Variants in GARRE1 observed in about 807,000 individuals in gnomAD.
GARRE1 encodes the protein granule associated Rac and RHOG effector 1, also known as granule associated Rac and RHOG effector protein 1.
In GARRE1, 49 loss-of-function variants were observed where a neutral mutation model predicts 103.2. The ratio of observed to expected loss-of-function variants is 0.47; its 90% CI spans 0.38 to 0.60. The LOEUF is 0.60. GARRE1 is among the 20% of genes least tolerant of loss of function. The pLI is 0.00. For missense variants in GARRE1, 1,199 were observed against 1,370.5 expected (o/e 0.87, Z 1.98); for synonymous variants, 505 against 532.8 (o/e 0.95, Z 0.72).
Position 34,286,313 on chromosome 19 carries a change from G to A in GARRE1, c.-795-13366G>A, listed in dbSNP as rs112075181. On this transcript the variant is annotated intron_variant, in intron 1 of 13. Transcript: ENST00000299505. ...CGGCTCACTGCAAGCTCTGCCTCCC[G>A]GGTTCATGCCATTCTCCTGCCTCAG... Among the ~76,000 whole-genome samples, 7 of 150,990 alleles carry A rather than the reference G, an allele frequency of 4.6e-5. No individual in the cohort carries two copies. In the South Asian group the frequency reaches 8.4e-4, roughly 18 times the overall value.
chr19:34,280,418 A>G (rs2073844598), intron 1 of GARRE1, among the ~76,000 whole-genome samples: 1 of 152,084 alleles, frequency 6.6e-6, no homozygotes, highest in Non-Finnish European at 1.5e-5. Context: ...TAAAAATTGG[A>G]TTTTTGTGTT....
In GARRE1 at chr19:34,353,083, G is replaced by T; in HGVS notation, c.*128G>T. The T allele has an allele frequency of 1.2e-6, 1 of 852,092 alleles. No individual in the cohort carries two copies. The highest frequency in any genetic ancestry group is 1.8e-6 in the Non-Finnish European group (1 of 567,364). The allele number at this position is 852,092 out of a possible 1,614,324, so 52.8% of individuals were successfully genotyped here. A position where few individuals can be genotyped will look rare whatever the true frequency, so the allele number is the denominator to read the frequency against. Reference sequence around the variant, plus strand: ...GGACCAGTGCGCCCCATCCCAGGGAGGGTTCCTTGGGGACAAGGGTGGTTG... The same window carrying T: ...GGACCAGTGCGCCCCATCCCAGGGATGGTTCCTTGGGGACAAGGGTGGTTG... On this transcript the variant is annotated 3_prime_UTR_variant, in exon 14 of 14. Coordinates refer to ENST00000299505, the MANE Select transcript of GARRE1 (RefSeq NM_014686.5).
At chr19:34,257,373 T>C (rs1470626721) in intron 1 of GARRE1, among the ~76,000 whole-genome samples, 1 of 152,142 alleles carries the variant, frequency 6.6e-6, no homozygotes, top group African/African-American at 2.4e-5. Context: ...AGTCTCCCTC[T>C]GTCCCCGAGG....
intron 1 of GARRE1, among the ~76,000 whole-genome samples, chr19:34,256,684 A>G (rs531064859): frequency 2.0e-5 from 3 of 152,224 alleles, no homozygotes; most frequent in Admixed American, 6.5e-5. Flanking sequence ...TTATCATTTT[A>G]TCATATTTTA....
intron 10 of GARRE1, among the ~76,000 whole-genome samples, chr19:34,344,710 T>C (rs1446024524): frequency 6.6e-6 from 1 of 152,116 alleles, no homozygotes; most frequent in Non-Finnish European, 1.5e-5. Flanking sequence ...TCTCACGTTG[T>C]TGCCCAGGCT....
intron 2 of GARRE1, among the ~76,000 whole-genome samples, chr19:34,305,727 T>A (rs1319736312): frequency 1.3e-5 from 2 of 152,242 alleles, no homozygotes; most frequent in Non-Finnish European, 2.9e-5. Flanking sequence ...TTTCTTCTGC[T>A]TTCCTGGGAC....
At chr19:34,306,924 G>A (rs35489004) in intron 2 of GARRE1, among the ~76,000 whole-genome samples, 16,919 of 151,926 alleles carry the variant, frequency 0.11, 1,089 homozygotes, top group East Asian at 0.19. Flanking sequence ...CTTAGAGAAG[G>A]TAGTTAGAAA....
intron 7 of GARRE1, 75 bp from the exon 8 acceptor site, chr19:34,333,629 T>C: frequency 1.1e-6 from 1 of 913,238 alleles, no homozygotes; most frequent in Non-Finnish European, 1.7e-6. Flanking sequence ...ATTTTATGTA[T>C]TGGATTTTAT....
intron 12 of GARRE1, among the ~76,000 whole-genome samples, chr19:34,351,219 T>TAA (rs1281405933): frequency 3.5e-5 from 5 of 144,254 alleles, no homozygotes; most frequent in Admixed American, 2.1e-4. Context: ...AAAAATAAAA[T>TAA]AATAATAATA....
intron 2 of GARRE1, among the ~76,000 whole-genome samples, chr19:34,305,410 A>G (rs1274723704): frequency 1.3e-5 from 2 of 152,208 alleles, no homozygotes; most frequent in Non-Finnish European, 1.5e-5. Flanking sequence ...AGTGTTGAAC[A>G]ATCTTAGACT....
chr19:34,286,912 C>T (rs1281056537), intron 1 of GARRE1, among the ~76,000 whole-genome samples: 1 of 151,970 alleles, frequency 6.6e-6, no homozygotes, highest in South Asian at 2.1e-4. Context: ...TTCAGTGGAC[C>T]CCCAGTTTGG....
intron 1 of GARRE1, among the ~76,000 whole-genome samples, chr19:34,288,047 G>A (rs1044788488): frequency 3.3e-5 from 5 of 152,122 alleles, no homozygotes; most frequent in East Asian, 1.9e-4. Context: ...AAAGGATCTC[G>A]TGTTTTTCTC....
chr19:34,268,609 A>T (rs1231363891), intron 1 of GARRE1, among the ~76,000 whole-genome samples: 1 of 152,116 alleles, frequency 6.6e-6, no homozygotes, highest in Non-Finnish European at 1.5e-5. Context: ...GTCTGTCCTC[A>T]TCAGGACCAA....
intron 1 of GARRE1, among the ~76,000 whole-genome samples, chr19:34,283,830 C>CT (rs11335136): frequency 0.02 from 2,307 of 117,220 alleles, 43 homozygotes; most frequent in South Asian, 0.027. Context: ...TTCTTTCTTT[C>CT]TTTTTTTTTT....
chr19:34,309,253 G>A (rs1021823810), intron 2 of GARRE1, among the ~76,000 whole-genome samples: 6 of 152,120 alleles, frequency 3.9e-5, no homozygotes. Flanking sequence ...CAAGTCAGTA[G>A]CATTAAAAGA....
chr19:34,273,195 T>G (rs1464383261), intron 1 of GARRE1, among the ~76,000 whole-genome samples: 1 of 152,120 alleles, frequency 6.6e-6, no homozygotes, highest in African/African-American at 2.4e-5. Flanking sequence ...CAGAGCAAGA[T>G]CCTGTCTTGA....
At chr19:34,295,100 C>T (rs930305567) in intron 1 of GARRE1, among the ~76,000 whole-genome samples, 1 of 152,172 alleles carries the variant, frequency 6.6e-6, no homozygotes, top group Non-Finnish European at 1.5e-5. Context: ...TGGGGAACCA[C>T]CAGACAGGTT....
Position 34,348,026 on chromosome 19 carries a change from G to C in GARRE1, c.2671G>C (p.Glu891Gln). ...DDAHRTWPFP[E>Q]FFTEGDGLHG... The stretch of plus-strand genomic sequence containing the variant: ...CGCGCATCGGACCTGGCCCTTCCCC[G>C]AGTTCTTCACAGAAGGGTGAGTGCT... Residue 891 changes from glutamate (E) to glutamine (Q), a missense_variant, in exon 11 of 14, where the codon GAG becomes CAG. Coordinates refer to ENST00000299505, the MANE Select transcript of GARRE1 (RefSeq NM_014686.5). The C allele has an allele frequency of 4.0e-6, 6 of 1,495,906 alleles. No homozygotes were observed. Among genetic ancestry groups the C allele is most frequent in the Non-Finnish European group, 5.4e-6 (6 of 1,113,344 alleles). The allele number at this position is 1,495,906 out of a possible 1,614,324, so 92.7% of individuals were successfully genotyped here. A position where few individuals can be genotyped will look rare whatever the true frequency, so the allele number is the denominator to read the frequency against.
At chr19:34,312,507 A>C (rs1218549987) in intron 2 of GARRE1, among the ~76,000 whole-genome samples, 1 of 152,170 alleles carries the variant, frequency 6.6e-6, no homozygotes, top group African/African-American at 2.4e-5. Context: ...TATAAATTTG[A>C]CTACTCTAGG....
Sources: gnomAD v4.1 joint callset for allele counts (sites outside exome capture counted in the v4.1 genomes callset) on GRCh38, gnomAD v4.1.1 for gene constraint, MANE v1.5 for transcripts, NCBI Gene and HGNC (gene_info 2026-07-23, HGNC 2026-07-21) for gene names.